The following AK8 variants were observed in gnomAD, a reference collection of about 807,000 sequenced individuals.
The protein encoded by AK8 is adenylate kinase 8.
AK8 carries 44 observed loss-of-function variants against 54.6 expected under a neutral mutation model. The ratio of observed to expected loss-of-function variants is 0.81; its 90% CI spans 0.63 to 1.04. The LOEUF (loss-of-function observed/expected upper bound fraction) is 1.04. Among genes scored for constraint, AK8 ranks in the 50% least tolerant of loss-of-function variants. The pLI is 0.00. For missense variants in AK8, 555 were observed against 613.6 expected, an observed-to-expected ratio of 0.90 and a Z score of 1.01; for synonymous variants, 239 against 245.6, an observed-to-expected ratio of 0.97 and a Z score of 0.25.
intron 9 of AK8, among the ~76,000 whole-genome samples, chr9:132,817,409 G>T (rs554377885): frequency 6.6e-6 from 1 of 152,222 alleles, no homozygotes; most frequent in African/African-American, 2.4e-5. Flanking sequence ...AATCAGATCG[G>T]GGATGACACA....
intron 5 of AK8, among the ~76,000 whole-genome samples, chr9:132,838,795 C>T (rs1842425340): frequency 6.6e-6 from 1 of 152,094 alleles, no homozygotes; most frequent in African/African-American, 2.4e-5. Flanking sequence ...TTTGCTGGTG[C>T]ACAGCAGGTG....
chr9:132,805,554 G>C (rs1003163356), intron 10 of AK8, among the ~76,000 whole-genome samples: 10 of 152,144 alleles, frequency 6.6e-5, no homozygotes, highest in African/African-American at 2.4e-4. Flanking sequence ...TTTGGTGACG[G>C]GGCTGCCTCC....
intron 11 of AK8, among the ~76,000 whole-genome samples, chr9:132,759,770 T>C (rs897047027): frequency 4.6e-5 from 7 of 152,218 alleles, no homozygotes; most frequent in African/African-American, 1.7e-4. Context: ...GTGTTCTGTG[T>C]CACTGGTTAG....
At chr9:132,840,401 GACACTC>G (rs1308412564) in intron 5 of AK8, among the ~76,000 whole-genome samples, 10 of 105,266 alleles carry the variant, frequency 9.5e-5, no homozygotes, top group South Asian at 6.7e-4. Flanking sequence ...ATCCCAAGTG[GACACTC>G]ACACACACAC....
chr9:132,845,554 C>T (rs1842717125), intron 5 of AK8, among the ~76,000 whole-genome samples: 1 of 152,112 alleles, frequency 6.6e-6, no homozygotes, highest in Non-Finnish European at 1.5e-5. Flanking sequence ...CTTTGGGAGG[C>T]CCAGGCGAGG....
intron 4 of AK8, among the ~76,000 whole-genome samples, chr9:132,858,097 G>A (rs1415357438): frequency 6.6e-6 from 1 of 152,224 alleles, no homozygotes; most frequent in Non-Finnish European, 1.5e-5. Flanking sequence ...TCAGGCCCCT[G>A]GCCCCGGGTC....
At chr9:132,748,471 G>A (rs183563924) in intron 11 of AK8, among the ~76,000 whole-genome samples, 1 of 152,074 alleles carries the variant, frequency 6.6e-6, no homozygotes, top group East Asian at 1.9e-4. Context: ...GGGCTCAGGT[G>A]AGGAAGTGTG....
chr9:132,768,054 G>A (rs1443360981), intron 11 of AK8, among the ~76,000 whole-genome samples: 1 of 152,046 alleles, frequency 6.6e-6, no homozygotes, highest in Non-Finnish European at 1.5e-5. Flanking sequence ...GGGGGACTAT[G>A]GTTAACAATA....
At chr9:132,754,930 C>G (rs7856916) in intron 11 of AK8, among the ~76,000 whole-genome samples, 122,952 of 151,922 alleles carry the variant, frequency 0.81, 49,838 homozygotes, top group Admixed American at 0.88. Context: ...CTCCCAAGTA[C>G]CTGGGATTAC....
intron 2 of AK8, among the ~76,000 whole-genome samples, chr9:132,867,492 G>A (rs963937211): frequency 1.3e-5 from 2 of 152,228 alleles, no homozygotes; most frequent in Admixed American, 6.5e-5. Flanking sequence ...GAAAACACTG[G>A]CACCTTGTTT....
At chr9:132,729,914 C>T (rs552989169) in intron 11 of AK8, among the ~76,000 whole-genome samples, 1 of 152,306 alleles carries the variant, frequency 6.6e-6, no homozygotes, top group South Asian at 2.1e-4. Context: ...GACCTCCCTC[C>T]TTCCCTCCTA....
chr9:132,878,014 T>C lies in AK8; in HGVS notation c.84+158A>G. 1 of 1,524,594 alleles carries C rather than the reference T, an allele frequency of 6.6e-7. No individual in the cohort carries two copies. Among genetic ancestry groups the C allele is most frequent in the Non-Finnish European group, 8.9e-7 (1 of 1,128,990 alleles). The allele number at this position is 1,524,594 out of a possible 1,614,324, so 94.4% of individuals were successfully genotyped here. A position where few individuals can be genotyped will look rare whatever the true frequency, so the allele number is the denominator to read the frequency against. On this transcript the variant is annotated intron_variant, in intron 1 of 12. Transcript: ENST00000298545. This position sits in a 1 kb window ranked among gnomAD's most constrained non-coding sequence, Gnocchi z 4.7. ...GAGCGTCCCCAGCTCGAGGGCCCCC[T>C]CGGGGTCACGGCGACACACGAATCG... is the stretch of plus-strand genomic sequence containing the variant.
intron 2 of AK8, among the ~76,000 whole-genome samples, chr9:132,873,133 A>G (rs1843930719): frequency 6.6e-6 from 1 of 152,204 alleles, no homozygotes; most frequent in South Asian, 2.1e-4. Flanking sequence ...TTTTTAGTAG[A>G]GATGGGGTTT....
At chr9:132,821,756 T>C (rs1029035820) in intron 9 of AK8, among the ~76,000 whole-genome samples, 7 of 122,912 alleles carry the variant, frequency 5.7e-5, no homozygotes, top group African/African-American at 1.9e-4. Flanking sequence ...TATATACAAA[T>C]ATATACATAT....
chr9:132,740,718 C>G (rs557820434), intron 11 of AK8, among the ~76,000 whole-genome samples: 3 of 152,134 alleles, frequency 2.0e-5, no homozygotes, highest in Non-Finnish European at 2.9e-5. Flanking sequence ...AGCACCCCCC[C>G]GCCCCACTCT....
Position 132,792,633 on chromosome 9 carries a change from C to T in AK8, c.1121+1G>A. On this transcript the variant is annotated splice_donor_variant, in intron 11 of 12. Coordinates refer to ENST00000298545, the MANE Select transcript of AK8 (RefSeq NM_152572.3). LOFTEE classifies it high-confidence loss of function. ...CTGCTGGCTTGGCTGGGGCAGCTCACCTGTTGGGATTGTAGCCCAGGCGGT... is the reference window on the plus strand; with the variant it reads ...CTGCTGGCTTGGCTGGGGCAGCTCATCTGTTGGGATTGTAGCCCAGGCGGT... The T allele has an allele frequency of 6.4e-7, 1 of 1,551,746 alleles. No individual in the cohort carries two copies. The highest frequency in any genetic ancestry group is 8.7e-7 in the Non-Finnish European group (1 of 1,148,158).
intron 5 of AK8, among the ~76,000 whole-genome samples, chr9:132,844,055 C>T (rs1466466462): frequency 2.0e-5 from 3 of 152,066 alleles, no homozygotes; most frequent in African/African-American, 4.8e-5. Flanking sequence ...CTCTTTGGTA[C>T]TGAGCCTTTC....
At chr9:132,764,903 C>CA (rs1490953749) in intron 11 of AK8, among the ~76,000 whole-genome samples, 1 of 151,840 alleles carries the variant, frequency 6.6e-6, no homozygotes, top group Admixed American at 6.5e-5. Flanking sequence ...AAAGATACAG[C>CA]AAAAAAAGAA....
At chr9:132,780,953 G>A (rs1437626790) in intron 11 of AK8, among the ~76,000 whole-genome samples, 2 of 152,020 alleles carry the variant, frequency 1.3e-5, no homozygotes, top group Admixed American at 6.6e-5. Context: ...CTTGCAGCAC[G>A]GAGGGAAAGG....
Sources: gnomAD v4.1 joint callset for allele counts (sites outside exome capture counted in the v4.1 genomes callset) on GRCh38, gnomAD v4.1.1 for gene constraint, Gnocchi (gnomAD v3.1) non-coding constraint, MANE v1.5 for transcripts, NCBI Gene and HGNC (gene_info 2026-07-23, HGNC 2026-07-21) for gene names.